Variants in CCDC192 observed in about 807,000 individuals in gnomAD.
CCDC192 encodes coiled-coil domain containing 192.
chr5:127,939,113 T>G lies in CCDC192; in HGVS notation c.536-2069T>G, dbSNP rs1172783321. Among the ~76,000 whole-genome samples, 56 of 127,308 alleles carry G rather than the reference T, an allele frequency of 4.4e-4. 1 individual carries two copies. The highest frequency in any genetic ancestry group is 1.9e-3 in the African/African-American group (53 of 27,646). 83.5% of individuals were successfully genotyped at this position (127,308 alleles called of 152,430 possible). A position where few individuals can be genotyped will look rare whatever the true frequency, so the allele number is the denominator to read the frequency against. On this transcript the variant is annotated intron_variant, in intron 6 of 6. Transcript: ENST00000514853. The stretch of plus-strand genomic sequence containing the variant: ...TGAAAGGCACTCAAACCAACATCTT[T>G]TTTTTTTTTTTTTTTTTTTTTTGAG...
chr5:127,749,642 A>G (rs1173770639), intron 2 of CCDC192, among the ~76,000 whole-genome samples: 1 of 152,010 alleles, frequency 6.6e-6, no homozygotes, highest in Non-Finnish European at 1.5e-5. Context: ...TGAGTTAGGG[A>G]GGATTCCCTC....
At chr5:127,862,641 G>T (rs1317499376) in intron 5 of CCDC192, among the ~76,000 whole-genome samples, 1 of 152,134 alleles carries the variant, frequency 6.6e-6, no homozygotes, top group Non-Finnish European at 1.5e-5. Context: ...TAGAACAATA[G>T]GGGAAACCTT....
intron 5 of CCDC192, among the ~76,000 whole-genome samples, chr5:127,805,231 A>G (rs539598549): frequency 4.6e-5 from 7 of 152,234 alleles, no homozygotes; most frequent in African/African-American, 1.7e-4. Context: ...TCCCACCCAC[A>G]TCATGTCATT....
chr5:127,761,840 T>A (rs901567150), intron 3 of CCDC192, among the ~76,000 whole-genome samples: 1 of 152,208 alleles, frequency 6.6e-6, no homozygotes, highest in Non-Finnish European at 1.5e-5. Flanking sequence ...AAGTTATGTT[T>A]GACTCTAATC....
intron 2 of CCDC192, among the ~76,000 whole-genome samples, chr5:127,720,302 C>CA (rs1014990517): frequency 6.6e-6 from 1 of 152,146 alleles, no homozygotes; most frequent in Admixed American, 6.5e-5. Flanking sequence ...CATGCAAGTC[C>CA]AAAACTCAGC....
intron 5 of CCDC192, among the ~76,000 whole-genome samples, chr5:127,823,013 A>G (rs1288021113): frequency 6.6e-6 from 1 of 152,154 alleles, no homozygotes; most frequent in Admixed American, 6.5e-5. Context: ...AAACGCCCCA[A>G]ATCCACAAAA....
intron 5 of CCDC192, among the ~76,000 whole-genome samples, chr5:127,818,145 T>G (rs1345677489): frequency 6.6e-6 from 1 of 152,224 alleles, no homozygotes; most frequent in Non-Finnish European, 1.5e-5. Flanking sequence ...ATTTACATAT[T>G]TTTTTGCTTA....
At chr5:127,747,115 TA>T (rs1753802485) in intron 2 of CCDC192, among the ~76,000 whole-genome samples, 22 of 152,060 alleles carry the variant, frequency 1.4e-4, no homozygotes, top group Admixed American at 1.4e-3. Context: ...TTTATTTTTT[TA>T]TTGTTATACT....
intron 6 of CCDC192, among the ~76,000 whole-genome samples, chr5:127,905,661 T>C (rs1561546566): frequency 1.3e-5 from 2 of 152,178 alleles, no homozygotes; most frequent in South Asian, 4.1e-4. Flanking sequence ...GTGACTGACA[T>C]GAAAAGTAAA....
chr5:127,852,830 C>T (rs1364037985), intron 5 of CCDC192, among the ~76,000 whole-genome samples: 5 of 152,114 alleles, frequency 3.3e-5, no homozygotes, highest in Admixed American at 2.6e-4. Flanking sequence ...TGCGGTGGCT[C>T]ACACCTGTAA....
At chr5:127,794,545 C>T (rs1479382281) in intron 3 of CCDC192, among the ~76,000 whole-genome samples, 1 of 152,078 alleles carries the variant, frequency 6.6e-6, no homozygotes, top group Non-Finnish European at 1.5e-5. Context: ...ATTTATTCAC[C>T]TATATAGTTT....
intron 6 of CCDC192, among the ~76,000 whole-genome samples, chr5:127,894,187 A>ATTTTTT (rs70997350): frequency 5.4e-5 from 6 of 111,024 alleles, no homozygotes; most frequent in South Asian, 2.9e-4. Context: ...GTCCTATCTA[A>ATTTTTT]TTTTTTTTTT....
intron 5 of CCDC192, among the ~76,000 whole-genome samples, chr5:127,799,412 A>G (rs1757359719): frequency 6.6e-6 from 1 of 152,142 alleles, no homozygotes. Flanking sequence ...TAGCATTGTG[A>G]CATATTTAGA....
chr5:127,732,610 T>C (rs1170018098), intron 2 of CCDC192, among the ~76,000 whole-genome samples: 1 of 152,196 alleles, frequency 6.6e-6, no homozygotes, highest in Non-Finnish European at 1.5e-5. Context: ...CCATCAATGA[T>C]AGACTGGATA....
intron 3 of CCDC192, among the ~76,000 whole-genome samples, chr5:127,778,349 A>T (rs1446553649): frequency 6.6e-6 from 1 of 152,002 alleles, no homozygotes; most frequent in Non-Finnish European, 1.5e-5. Context: ...GATTTTGTCA[A>T]TTTTTTTGCA....
intron 5 of CCDC192, among the ~76,000 whole-genome samples, chr5:127,819,104 A>T (rs1316466696): frequency 6.6e-6 from 1 of 152,164 alleles, no homozygotes; most frequent in Non-Finnish European, 1.5e-5. Flanking sequence ...ATGTCTACCC[A>T]TATCCATTTC....
intron 5 of CCDC192, among the ~76,000 whole-genome samples, chr5:127,853,185 A>C (rs1255194075): frequency 6.6e-6 from 1 of 152,192 alleles, no homozygotes; most frequent in Non-Finnish European, 1.5e-5. Context: ...CCAAGTTAAC[A>C]CCAGTGGAAG....
At chr5:127,725,439 T>A (rs1752266368) in intron 2 of CCDC192, among the ~76,000 whole-genome samples, 1 of 152,230 alleles carries the variant, frequency 6.6e-6, no homozygotes, top group South Asian at 2.1e-4. Context: ...TTGAAAATTT[T>A]AAACAGGTGA....
intron 5 of CCDC192, among the ~76,000 whole-genome samples, chr5:127,825,687 T>G (rs1749495372): frequency 6.6e-6 from 1 of 152,230 alleles, no homozygotes; most frequent in Non-Finnish European, 1.5e-5. Flanking sequence ...ACATTTTATA[T>G]ACAATCTATA....
Sources: allele counts gnomAD v4.1 joint callset (sites outside exome capture counted in the v4.1 genomes callset), GRCh38; gene constraint gnomAD v4.1.1; transcripts MANE v1.5; gene names NCBI Gene and HGNC (gene_info 2026-07-23, HGNC 2026-07-21).